Variants in ARHGEF12 observed in about 807,000 individuals in gnomAD.
ARHGEF12 encodes KMT2A/ARHGEF12 fusion protein.
ARHGEF12 carries 66 observed loss-of-function variants against 211.2 expected under a neutral mutation model. The observed-to-expected ratio is 0.31, with a 90% CI of 0.26 to 0.38. The LOEUF is 0.38. ARHGEF12 is among the 10% of genes least tolerant of loss of function. ARHGEF12 has a pLI of 1.00. For missense variants in ARHGEF12, 1,429 were observed against 1,869.5 expected, an observed-to-expected ratio of 0.76 and a Z score of 4.34; for synonymous variants, 592 against 638.4, an observed-to-expected ratio of 0.93 and a Z score of 1.09.
chr11:120,386,338 A>G (rs1451911626), intron 1 of ARHGEF12, among the ~76,000 whole-genome samples: 1 of 152,122 alleles, frequency 6.6e-6, no homozygotes, highest in Non-Finnish European at 1.5e-5. Flanking sequence ...TTTCTTGTGG[A>G]CAGAAAGAGC....
At position 120,475,383 on chromosome 11, in the gene ARHGEF12, A is replaced by G. The variant is rs903624171; in HGVS notation, c.3153A>G (p.Gln1051=). The G allele has an allele frequency of 1.9e-6, 3 of 1,614,010 alleles. No homozygotes were observed. The highest frequency in any genetic ancestry group is 3.3e-5 in the Admixed American group (2 of 60,010). Residue 1051 remains glutamine, a synonymous_variant, in exon 33 of 41, where the codon CAA becomes CAG. Coordinates refer to ENST00000397843, the MANE Select transcript of ARHGEF12 (RefSeq NM_015313.3). ...TGGAAGACATTCTTGTATTGTTACA[A>G]AAGCAGGATGATAGACTGGTTTTAA... is the stretch of plus-strand genomic sequence containing the variant. ...LLLEDILVLL[Q]KQDDRLVLRC...
At chr11:120,378,017 C>T (rs1353181135) in intron 1 of ARHGEF12, among the ~76,000 whole-genome samples, 2 of 151,738 alleles carry the variant, frequency 1.3e-5, no homozygotes, top group Admixed American at 6.6e-5. Context: ...CCTCCCACCT[C>T]ACCCTCCCAA....
intron 1 of ARHGEF12, among the ~76,000 whole-genome samples, chr11:120,397,286 C>T (rs113273110): frequency 6.6e-6 from 1 of 152,324 alleles, no homozygotes; most frequent in African/African-American, 2.4e-5. Flanking sequence ...TCTTCAGCTT[C>T]TGCTGCTGTT....
chr11:120,347,177 TTC>T (rs1350493757), intron 1 of ARHGEF12, among the ~76,000 whole-genome samples: 1,644 of 129,194 alleles, frequency 0.013, 30 homozygotes, highest in Non-Finnish European at 0.017. Flanking sequence ...CCTTCCTTCC[TTC>T]CTTCCTTTCT....
chr11:120,380,842 C>T (rs1352451287), intron 1 of ARHGEF12, among the ~76,000 whole-genome samples: 1 of 152,178 alleles, frequency 6.6e-6, no homozygotes, highest in African/African-American at 2.4e-5. Context: ...TCAGTATGGA[C>T]TCATGTATGT....
chr11:120,381,286 A>G lies in ARHGEF12; in HGVS notation c.33-24832A>G, dbSNP rs181823568. Among the ~76,000 whole-genome samples, 47 of 152,326 alleles carry G rather than the reference A, an allele frequency of 3.1e-4. No homozygotes were observed. In the East Asian group the frequency reaches 8.3e-3, roughly 27 times the overall value. Reference sequence around the variant, plus strand: ...TGAGTTGATATTGATGTCTCTGATTATAATCCATTACCACAAGGTTCACTC... The same window carrying G: ...TGAGTTGATATTGATGTCTCTGATTGTAATCCATTACCACAAGGTTCACTC... On this transcript the variant is annotated intron_variant, in intron 1 of 40. Transcript: ENST00000397843.
chr11:120,356,408 G>A (rs959334535), intron 1 of ARHGEF12, among the ~76,000 whole-genome samples: 2 of 152,070 alleles, frequency 1.3e-5, no homozygotes, highest in African/African-American at 2.4e-5. Context: ...AGTAGAGATG[G>A]GGTTTCACCA....
At chr11:120,480,687 T>C (rs1947207231) in intron 38 of ARHGEF12, among the ~76,000 whole-genome samples, 2 of 151,834 alleles carry the variant, frequency 1.3e-5, no homozygotes, top group South Asian at 4.1e-4. Context: ...AGAAGGATGG[T>C]AAATAAGTAA....
chr11:120,483,759 C>G (rs1374366456), intron 39 of ARHGEF12, among the ~76,000 whole-genome samples: 1 of 152,140 alleles, frequency 6.6e-6, no homozygotes, highest in African/African-American at 2.4e-5. Context: ...GGACTACAGG[C>G]GCCTGCCACC....
At position 120,431,850 on chromosome 11, in the gene ARHGEF12, T is replaced by C; in HGVS notation, c.863T>C (p.Val288Ala). Residue 288 changes from valine (V) to alanine (A), a missense_variant, in exon 11 of 41, where the codon GTA (valine) becomes GCA (alanine). Val to Ala is a moderately conservative substitution (Grantham distance 64). Transcript: ENST00000397843. ...VSEAETDPGDVLGRTDCSSGD... is the reference protein window; with the variant it reads ...VSEAETDPGDALGRTDCSSGD... Reference sequence around the variant, plus strand: ...GAGGCAGAAACAGATCCTGGAGATGTACTGGGCAGGACTGACTGTAGCAGT... The same window carrying C: ...GAGGCAGAAACAGATCCTGGAGATGCACTGGGCAGGACTGACTGTAGCAGT... 6.2e-7 allele frequency: 1 copy of C among 1,614,016 alleles called. No individual in the cohort carries two copies. The highest frequency in any genetic ancestry group is 8.5e-7 in the Non-Finnish European group (1 of 1,179,926).
chr11:120,486,632 G>T lies in ARHGEF12; in HGVS notation c.*1555G>T, dbSNP rs79425731. The T allele has an allele frequency of 4.5e-6, 1 of 223,914 alleles. No individual in the cohort carries two copies. Among genetic ancestry groups the T allele is most frequent in the African/African-American group, 2.2e-5 (1 of 44,840 alleles). 13.9% of individuals were successfully genotyped at this position (223,914 alleles called of 1,614,324 possible). On this transcript the variant is annotated 3_prime_UTR_variant, in exon 41 of 41. Transcript: ENST00000397843. ...CTGTTAATAAACAAGGAGTTCATCC[G>T]TTGCTCACATCTTTCATTGGTGCCC...
chr11:120,477,551 G>A (rs1179401471), intron 36 of ARHGEF12, 25 bp downstream of exon 36: 1 of 1,589,620 alleles, frequency 6.3e-7, no homozygotes, highest in East Asian at 2.2e-5. Flanking sequence ...AGAGTTCAAT[G>A]GAGAATGTGC....
At chr11:120,449,023 G>T in intron 20 of ARHGEF12, 86 bp from the exon 21 acceptor site, 1 of 1,115,356 alleles carries the variant, frequency 9.0e-7, no homozygotes, top group South Asian at 1.5e-5. Flanking sequence ...CAATTTCTTT[G>T]AACTAACCAT....
intron 29 of ARHGEF12, among the ~76,000 whole-genome samples, chr11:120,467,931 A>G (rs573302020): frequency 1.3e-5 from 2 of 152,260 alleles, no homozygotes; most frequent in African/African-American, 2.4e-5. Flanking sequence ...TTGCTTTTAC[A>G]TTATAACAGC....
chr11:120,392,097 C>T (rs1269451684), intron 1 of ARHGEF12, among the ~76,000 whole-genome samples: 3 of 152,184 alleles, frequency 2.0e-5, no homozygotes, highest in African/African-American at 7.2e-5. Flanking sequence ...TTCTGTGGAT[C>T]TCATTTCAGC....
Position 120,445,405 on chromosome 11 carries a change from T to C in ARHGEF12, c.1303-17T>C. ...ATCTTTAGCGTTGTTACACCTTTTGTTTGCATTTCATTTTAGCACCTGAAA... is the reference window on the plus strand; with the variant it reads ...ATCTTTAGCGTTGTTACACCTTTTGCTTGCATTTCATTTTAGCACCTGAAA... On this transcript the variant is annotated splice_polypyrimidine_tract_variant and intron_variant, in intron 15 of 40. Coordinates refer to ENST00000397843, the MANE Select transcript of ARHGEF12 (RefSeq NM_015313.3). 1 of 1,613,944 alleles carries C rather than the reference T, an allele frequency of 6.2e-7. No homozygotes were observed. The highest frequency in any genetic ancestry group is 8.5e-7 in the Non-Finnish European group (1 of 1,179,806).
Position 120,481,340 on chromosome 11 carries a change from C to A in ARHGEF12, c.4318C>A (p.Gln1440Lys). The change falls in exon 39 of 41, where the codon CAG becomes AAG. Residue 1440 changes from glutamine to lysine, a missense_variant. Transcript: ENST00000397843. ...DEEVASSLTL[Q>K]PMTGIPAVES... ...GGAGGTTGCTTCCTCACTTACCCTG[C>A]AGCCCATGACAGGCATCCCTGCTGT... 1 of 1,614,200 alleles carries A rather than the reference C, an allele frequency of 6.2e-7. No homozygotes were observed. The highest frequency in any genetic ancestry group is 8.5e-7 in the Non-Finnish European group (1 of 1,180,032).
chr11:120,473,564 A>G (rs1025306786), intron 31 of ARHGEF12, among the ~76,000 whole-genome samples: 1 of 152,146 alleles, frequency 6.6e-6, no homozygotes, highest in African/African-American at 2.4e-5. Context: ...CACCATACCC[A>G]GCTAATTCTG....
intron 4 of ARHGEF12, chr11:120,409,855 A>G (rs1332084989): frequency 6.1e-6 from 1 of 163,200 alleles, no homozygotes; most frequent in Admixed American, 6.1e-5. Context: ...CTTTTCCTCT[A>G]AGTATAATAC....
Sources: gnomAD v4.1 joint callset for allele counts (sites outside exome capture counted in the v4.1 genomes callset) on GRCh38, gnomAD v4.1.1 for gene constraint, MANE v1.5 for transcripts, NCBI Gene and HGNC (gene_info 2026-07-23, HGNC 2026-07-21) for gene names.